Variants in DNAH14 observed in about 807,000 individuals in gnomAD.
The protein encoded by DNAH14 is dynein axonemal heavy chain 14, also known as axonemal beta dynein heavy chain 14.
DNAH14 carries 478 observed loss-of-function variants against 520.9 expected under a neutral mutation model. The observed-to-expected ratio is 0.92, with a 90% CI of 0.85 to 0.99. The LOEUF (loss-of-function observed/expected upper bound fraction) is 0.99. Among genes scored for constraint, DNAH14 ranks in the 50% least tolerant of loss-of-function variants. The pLI is 0.00. For synonymous variants in DNAH14, 1,581 were observed against 1,757.2 expected (o/e 0.90, Z 2.51); for missense variants, 4,831 against 5,234.5 (o/e 0.92, Z 2.38).
chr1:225,104,718 G>C (rs1205544796), intron 23 of DNAH14, among the ~76,000 whole-genome samples: 1 of 152,132 alleles, frequency 6.6e-6, no homozygotes, highest in African/African-American at 2.4e-5. Flanking sequence ...ATTTCTGTGG[G>C]ATAGGTGGTG....
chr1:224,941,236 T>C (rs1274381787), intron 1 of DNAH14, among the ~76,000 whole-genome samples: 1 of 152,124 alleles, frequency 6.6e-6, no homozygotes, highest in African/African-American at 2.4e-5. Flanking sequence ...TGGTATCTCA[T>C]TGTGGTTTTG....
At chr1:225,343,873 ACAAT>A (rs1284283409) in intron 69 of DNAH14, among the ~76,000 whole-genome samples, 1 of 152,172 alleles carries the variant, frequency 6.6e-6, no homozygotes, top group Non-Finnish European at 1.5e-5. Flanking sequence ...ATAGAAGGTG[ACAAT>A]CAAGATTCAG....
Position 225,399,204 on chromosome 1 carries a change from A to G in DNAH14, c.13789A>G (p.Lys4597Glu). 6.4e-7 allele frequency: 1 copy of G among 1,551,760 alleles called. No homozygotes were observed. The highest frequency in any genetic ancestry group is 8.7e-7 in the Non-Finnish European group (1 of 1,147,002). ...TTTAACATCAGTGTATTTATCAACG[A>G]AGAAACCTCCTAGTCACTGGATCAC... ...NFLTSVYLST[K>E]KPPSHWITMR... The change falls in exon 86 of 86, where the codon AAG becomes GAG. Residue 4597 changes from lysine to glutamate, a missense_variant. Coordinates refer to ENST00000682510, the MANE Select transcript of DNAH14 (RefSeq NM_001367479.1).
At chr1:224,985,616 A>G (rs2062578568) in intron 8 of DNAH14, among the ~76,000 whole-genome samples, 2 of 152,192 alleles carry the variant, frequency 1.3e-5, no homozygotes, top group African/African-American at 2.4e-5. Context: ...TTATCAAAAC[A>G]TAGAATTAAG....
chr1:225,378,681 G>C (rs1007413233), intron 79 of DNAH14, among the ~76,000 whole-genome samples: 6 of 152,056 alleles, frequency 3.9e-5, no homozygotes, highest in Admixed American at 3.3e-4. Context: ...AGGAGTTCAA[G>C]ATCAGCCTGG....
intron 62 of DNAH14, among the ~76,000 whole-genome samples, chr1:225,323,173 C>A (rs569126250): frequency 6.6e-6 from 1 of 152,292 alleles, no homozygotes; most frequent in Non-Finnish European, 1.5e-5. Flanking sequence ...GCCATACCAC[C>A]ATTACTGACC....
intron 21 of DNAH14, among the ~76,000 whole-genome samples, chr1:225,093,317 G>A (rs2074579555): frequency 6.6e-6 from 1 of 152,120 alleles, no homozygotes; most frequent in Non-Finnish European, 1.5e-5. Flanking sequence ...GGGATGCAAA[G>A]TTGGTTCAAC....
intron 36 of DNAH14, among the ~76,000 whole-genome samples, chr1:225,169,594 C>A (rs942107119): frequency 6.6e-6 from 1 of 152,124 alleles, no homozygotes; most frequent in Non-Finnish European, 1.5e-5. Flanking sequence ...AAGAAATGAA[C>A]AAAGCCTCCA....
At chr1:225,093,487 A>G (rs779830278) in intron 21 of DNAH14, among the ~76,000 whole-genome samples, 7 of 152,158 alleles carry the variant, frequency 4.6e-5, no homozygotes, top group Non-Finnish European at 1.0e-4. Flanking sequence ...ATACTTCAAA[A>G]TGATAAAAGC....
At chr1:224,983,463 A>G (rs1361643144) in intron 8 of DNAH14, among the ~76,000 whole-genome samples, 1 of 152,156 alleles carries the variant, frequency 6.6e-6, no homozygotes, top group African/African-American at 2.4e-5. Flanking sequence ...AATGGGAAAA[A>G]GTTGAAAGCA....
At chr1:225,227,742 G>A (rs542489860) in intron 41 of DNAH14, among the ~76,000 whole-genome samples, 3 of 152,228 alleles carry the variant, frequency 2.0e-5, no homozygotes, top group African/African-American at 7.2e-5. Flanking sequence ...ACACTTTATG[G>A]TGCCTAGGAC....
rs1325309063 is a variant in DNAH14 at position 225,262,212 on chromosome 1, G to A, written c.7158-1985G>A. Among the ~76,000 whole-genome samples, 4 of 150,500 alleles carry A rather than the reference G, an allele frequency of 2.7e-5. No individual in the cohort carries two copies. In the South Asian group the frequency reaches 8.3e-4, roughly 31 times the overall value. On this transcript the variant is annotated intron_variant, in intron 46 of 85. Coordinates refer to ENST00000682510, the MANE Select transcript of DNAH14 (RefSeq NM_001367479.1). ...TGGGTTTTTTTTTTCTTGCTAATTT[G>A]TTTGAGTTTCTTGTAGATTCTGGAT...
At chr1:225,031,767 C>CAATTAA (rs1376198651) in intron 11 of DNAH14, among the ~76,000 whole-genome samples, 4 of 151,936 alleles carry the variant, frequency 2.6e-5, no homozygotes, top group African/African-American at 9.7e-5. Flanking sequence ...TTTAGTTGTT[C>CAATTAA]ATGTATTTTA....
intron 11 of DNAH14, among the ~76,000 whole-genome samples, chr1:225,034,411 A>G (rs992262920): frequency 6.6e-6 from 1 of 152,074 alleles, no homozygotes; most frequent in Non-Finnish European, 1.5e-5. Context: ...GATGAAGCCT[A>G]CTTGATCATA....
intron 1 of DNAH14, among the ~76,000 whole-genome samples, chr1:224,941,275 A>G (rs980127075): frequency 3.3e-5 from 5 of 151,986 alleles, no homozygotes; most frequent in African/African-American, 1.2e-4. Flanking sequence ...GCCAGTGATG[A>G]TGAGCATTTT....
At chr1:225,001,951 G>C (rs1380076331) in intron 8 of DNAH14, among the ~76,000 whole-genome samples, 1 of 152,068 alleles carries the variant, frequency 6.6e-6, no homozygotes, top group East Asian at 1.9e-4. Flanking sequence ...CTTTGGAATA[G>C]GCAGTGTAAA....
chr1:224,936,030 C>T (rs1411921757), intron 1 of DNAH14, among the ~76,000 whole-genome samples: 1 of 151,378 alleles, frequency 6.6e-6, no homozygotes, highest in Non-Finnish European at 1.5e-5. Context: ...AAAATGGAAA[C>T]ATAACGTACC....
chr1:225,272,111 A>G (rs1427913386), intron 51 of DNAH14, 38 bp downstream of exon 51: 8 of 1,514,866 alleles, frequency 5.3e-6, no homozygotes, highest in Non-Finnish European at 7.1e-6. Context: ...TATTTTTTAA[A>G]TATAAGTTGC....
chr1:225,241,381 A>C (rs2091956363), intron 43 of DNAH14, among the ~76,000 whole-genome samples: 1 of 152,204 alleles, frequency 6.6e-6, no homozygotes, highest in Admixed American at 6.5e-5. Context: ...TTAAGCATAA[A>C]TATATTTAGA....
Sources: allele counts gnomAD v4.1 joint callset (sites outside exome capture counted in the v4.1 genomes callset), GRCh38; gene constraint gnomAD v4.1.1; transcripts MANE v1.5; gene names NCBI Gene and HGNC (gene_info 2026-07-23, HGNC 2026-07-21).